The following CEP192 variants were observed in gnomAD, a reference collection of about 807,000 sequenced individuals.
CEP192 encodes centrosomal protein 192.
A neutral mutation model predicts 271.8 loss-of-function variants in CEP192; 151 were observed. That is an observed-to-expected ratio of 0.56 (90% CI 0.49 to 0.64). The LOEUF (loss-of-function observed/expected upper bound fraction) is 0.64. Ranked by LOEUF, CEP192 falls within the 30% of genes least tolerant of loss-of-function variation. The pLI, the probability that CEP192 is intolerant of heterozygous loss-of-function variation, is 0.00. For missense variants in CEP192, 2,910 were observed against 3,020.5 expected (o/e 0.96, Z 0.86); for synonymous variants, 995 against 1,076.5 (o/e 0.92, Z 1.48).
Position 13,049,838 on chromosome 18 carries a change from G to T in CEP192, c.2964G>T (p.Thr988=), listed in dbSNP as rs781183444. Residue 988 remains threonine, a synonymous_variant, in exon 17 of 45, where the codon ACG becomes ACT. Transcript: ENST00000506447. ...AGCAGGAGAGCTTCAGACCTTCCAC[G>T]TCACCACTGAGTCATTCTTCTCCTA... The part of the protein sequence containing the change: ...EDEQESFRPS[T]SPLSHSSPSE... The T allele has an allele frequency of 6.2e-7, 1 of 1,613,922 alleles. No homozygotes were observed. Among genetic ancestry groups the T allele is most frequent in the Non-Finnish European group, 8.5e-7 (1 of 1,179,844 alleles).
Position 13,096,102 on chromosome 18 carries a change from G to T in CEP192, c.6434-82G>T. 1.4e-6 allele frequency: 2 copies of T among 1,396,644 alleles called. 1 individual carries two copies. Among genetic ancestry groups the T allele is most frequent in the South Asian group, 2.5e-5 (2 of 79,530 alleles). 86.5% of individuals were successfully genotyped at this position (1,396,644 alleles called of 1,614,324 possible). On this transcript the variant is annotated intron_variant, in intron 35 of 44. Transcript: ENST00000506447. ...GTAGCATACTTGTATATCTATTTAG[G>T]GTTCTGGTTTATTAGTTGTTAATAT...
chr18:13,039,192 C>A (rs1299987536), intron 13 of CEP192, among the ~76,000 whole-genome samples: 2 of 152,152 alleles, frequency 1.3e-5, no homozygotes, highest in African/African-American at 4.8e-5. Flanking sequence ...CAGTGGCTCA[C>A]ACCTGTAATC....
At chr18:13,043,992 C>T (rs1047689113) in intron 15 of CEP192, among the ~76,000 whole-genome samples, 2 of 152,062 alleles carry the variant, frequency 1.3e-5, no homozygotes, top group African/African-American at 2.4e-5. Context: ...CATTTATCCT[C>T]TGTGTTATGA....
rs2034450593 is a variant in CEP192 at position 13,013,023 on chromosome 18, A to G, written c.517A>G (p.Lys173Glu). The G allele has an allele frequency of 1.4e-6, 2 of 1,458,592 alleles. No homozygotes were observed. The highest frequency in any genetic ancestry group is 9.4e-7 in the Non-Finnish European group (1 of 1,064,992). The allele number at this position is 1,458,592 out of a possible 1,614,324, so 90.4% of individuals were successfully genotyped here. ...LQSWMNNKEP[K>E]IVVLDAGKHF... ...GTCATGGATGAATAATAAGGAACCC[A>G]AGGTAACCTTTTATATATTTGGTAT... Residue 173 changes from lysine to glutamate, a missense_variant and splice_region_variant, in exon 5 of 45, where the codon AAG becomes GAG. Physicochemically the swap from Lys to Glu is moderately conservative, Grantham distance 56 (BLOSUM62 1). Coordinates refer to ENST00000506447, the MANE Select transcript of CEP192 (RefSeq NM_032142.4).
chr18:13,092,415 T>C lies in CEP192; in HGVS notation c.6142T>C (p.Phe2048Leu). 5.0e-6 allele frequency: 8 copies of C among 1,604,124 alleles called. No homozygotes were observed. Among genetic ancestry groups the C allele is most frequent in the Non-Finnish European group, 6.0e-6 (7 of 1,173,020 alleles). ...CCAACGACCTAATGATGTTCAGCTC[T>C]TTTATGGAAGCATGTGTAAAATTAT... ...LPQRPNDVQL[F>L]YGSMCKIILS... The change falls in exon 34 of 45, where the codon TTT becomes CTT. Residue 2048 changes from phenylalanine (F) to leucine (L), a missense_variant. Coordinates refer to ENST00000506447, the MANE Select transcript of CEP192 (RefSeq NM_032142.4).
chr18:13,080,495 G>C (rs1384579602), intron 30 of CEP192, among the ~76,000 whole-genome samples: 5 of 152,190 alleles, frequency 3.3e-5, no homozygotes. Flanking sequence ...TTTGTATCCT[G>C]AGACTTTGCT....
intron 7 of CEP192, 61 bp downstream of exon 7, chr18:13,017,397 C>T: frequency 7.9e-7 from 1 of 1,263,174 alleles, no homozygotes; most frequent in Non-Finnish European, 1.1e-6. Context: ...TATTGGTCTC[C>T]TTGGATGTTC....
chr18:13,011,324 G>A (rs571327530), intron 4 of CEP192, among the ~76,000 whole-genome samples: 4 of 151,918 alleles, frequency 2.6e-5, no homozygotes, highest in South Asian at 4.2e-4. Context: ...GGAAAATAAC[G>A]TCTTTGTGAG....
intron 21 of CEP192, among the ~76,000 whole-genome samples, chr18:13,065,677 A>G (rs1365952575): frequency 1.3e-5 from 2 of 152,210 alleles, no homozygotes; most frequent in Non-Finnish European, 2.9e-5. Context: ...GAGGCTTTAC[A>G]AGTTATATTC....
Position 13,017,316 on chromosome 18 carries a change from C to G in CEP192, c.769C>G (p.Pro257Ala), listed in dbSNP as rs1450988687. The change falls in exon 7 of 45, where the codon CCT becomes GCT. Residue 257 changes from proline (P) to alanine (A), a missense_variant. By Grantham distance (27) the Pro-to-Ala change is conservative. Transcript: ENST00000506447. ...PEPPEKGFKL[P>A]TNGLRQANEN... ...ACCTCCAGAAAAAGGTTTTAAGTTACCTACAAATGGTCTTAGACAGGTGTG... is the reference window on the plus strand; with the variant it reads ...ACCTCCAGAAAAAGGTTTTAAGTTAGCTACAAATGGTCTTAGACAGGTGTG... 1 of 1,544,714 alleles carries G rather than the reference C, an allele frequency of 6.5e-7. No individual in the cohort carries two copies.
intron 33 of CEP192, among the ~76,000 whole-genome samples, chr18:13,091,970 A>G (rs907839136): frequency 6.6e-6 from 1 of 152,216 alleles, no homozygotes; most frequent in African/African-American, 2.4e-5. Context: ...AAATTAATAT[A>G]TATAAAGGGA....
rs557964936 is a variant in CEP192 at position 13,046,658 on chromosome 18, T to A, written c.2068-2201T>A. On this transcript the variant is annotated intron_variant, in intron 15 of 44. Transcript: ENST00000506447. ...CTTTGTTTTCTTTTAAATGTCTTATTTGGCATTCCAAGGATCACAAAATAC... is the reference window on the plus strand; with the variant it reads ...CTTTGTTTTCTTTTAAATGTCTTATATGGCATTCCAAGGATCACAAAATAC... Among the ~76,000 whole-genome samples, 139 of 152,108 alleles carry A rather than the reference T, an allele frequency of 9.1e-4. 2 individuals carry two copies. In the South Asian group the frequency reaches 0.027, roughly 29 times the overall value.
rs186468462 is a variant in CEP192, at chr18:13,011,669, A to C, written c.467-1304A>C. On this transcript the variant is annotated intron_variant, in intron 4 of 44. Coordinates refer to ENST00000506447, the MANE Select transcript of CEP192 (RefSeq NM_032142.4). ...GTAGCTGGGATTACAGGCATGCACC[A>C]CTACACCCAGCTAATTTTTGTATAT... Among the ~76,000 whole-genome samples, 11 of 152,248 alleles carry C rather than the reference A, an allele frequency of 7.2e-5. No homozygotes were observed. In the East Asian group the frequency reaches 2.1e-3, roughly 29 times the overall value.
At chr18:13,018,959 A>T in intron 8 of CEP192, 123 bp from the exon 9 acceptor site, 1 of 927,756 alleles carries the variant, frequency 1.1e-6, no homozygotes, top group African/African-American at 1.8e-5. Flanking sequence ...AAATGGCTAA[A>T]TTTGTCATAG....
At chr18:13,088,305 T>C (rs894985059) in intron 32 of CEP192, among the ~76,000 whole-genome samples, 4 of 151,994 alleles carry the variant, frequency 2.6e-5, no homozygotes, top group African/African-American at 7.2e-5. Flanking sequence ...GAAAATTTAG[T>C]TGGGTGTGAT....
Position 13,068,177 on chromosome 18 carries a change from C to T in CEP192, c.4698C>T (p.Val1566=). Residue 1566 remains valine, a synonymous_variant, in exon 23 of 45, where the codon GTC becomes GTT. Coordinates refer to ENST00000506447, the MANE Select transcript of CEP192 (RefSeq NM_032142.4). Reference sequence around the variant, plus strand: ...AAGTTGCTCCTTGCGCTGATGTGGTCACTCGGCTAGCAGGCCCTTCTGTGG... The same window carrying T: ...AAGTTGCTCCTTGCGCTGATGTGGTTACTCGGCTAGCAGGCCCTTCTGTGG... ...PVEVAPCADV[V]TRLAGPSVVN... is the part of the protein sequence containing the mutation. 6.2e-7 allele frequency: 1 copy of T among 1,614,254 alleles called. No homozygotes were observed. The highest frequency in any genetic ancestry group is 8.5e-7 in the Non-Finnish European group (1 of 1,180,040).
At chr18:13,038,899 A>C (rs1042634636) in intron 13 of CEP192, among the ~76,000 whole-genome samples, 1 of 152,224 alleles carries the variant, frequency 6.6e-6, no homozygotes, top group Non-Finnish European at 1.5e-5. Flanking sequence ...ATAAGTATTT[A>C]ATAGTTGTTC....
At chr18:13,090,945 G>C (rs1346059317) in intron 33 of CEP192, among the ~76,000 whole-genome samples, 1 of 152,236 alleles carries the variant, frequency 6.6e-6, no homozygotes, top group Non-Finnish European at 1.5e-5. Context: ...TCGTTGGATG[G>C]TGGATGCATC....
chr18:13,115,088 T>G (rs1293779066), intron 42 of CEP192, among the ~76,000 whole-genome samples: 2 of 152,230 alleles, frequency 1.3e-5, no homozygotes, highest in African/African-American at 4.8e-5. Flanking sequence ...TCATTTATTT[T>G]TTAATGGGAG....
Sources: gnomAD v4.1 joint callset for allele counts (sites outside exome capture counted in the v4.1 genomes callset) on GRCh38, gnomAD v4.1.1 for gene constraint, MANE v1.5 for transcripts, NCBI Gene and HGNC (gene_info 2026-07-23, HGNC 2026-07-21) for gene names.